Variants in TK2 observed in about 807,000 individuals in gnomAD.
TK2 encodes thymidine kinase 2.
In TK2, 35 loss-of-function variants were observed where a neutral mutation model predicts 41.9. The observed-to-expected ratio is 0.84, with a 90% CI of 0.64 to 1.11. The LOEUF (loss-of-function observed/expected upper bound fraction) is 1.11, where lower values mean the gene tolerates loss of function less well. Ranked by LOEUF, TK2 falls within the 50% of genes least tolerant of loss-of-function variation. The pLI is 0.00. For missense variants in TK2, 320 were observed against 351.1 expected (o/e 0.91, Z 0.71); for synonymous variants, 128 against 129.1 (o/e 0.99, Z 0.06).
chr16:66,528,186 G>A (rs377050538), intron 6 of TK2, among the ~76,000 whole-genome samples: 190 of 152,274 alleles, frequency 1.2e-3, no homozygotes, highest in African/African-American at 4.1e-3. Context: ...GTTGACATCC[G>A]AACAGCTCTG....
intron 4 of TK2, among the ~76,000 whole-genome samples, chr16:66,532,297 G>C (rs989446480): frequency 1.3e-5 from 2 of 152,060 alleles, no homozygotes; most frequent in African/African-American, 4.8e-5. Context: ...TCCCATTTGC[G>C]ATGCTACAAA....
Position 66,519,380 on chromosome 16 carries a change from T to G in TK2, c.450-1503A>C, listed in dbSNP as rs1193017157. The stretch of plus-strand genomic sequence containing the variant: ...TTTTAGTAGACACGGGGTTTCACTA[T>G]GTTGGCCAGGCTGGTCTCGAACTCC... On this transcript the variant is annotated intron_variant, in intron 6 of 9. Transcript: ENST00000544898. 2.0e-5 allele frequency among the ~76,000 whole-genome samples: 3 copies of G among 152,310 alleles called. No individual in the cohort carries two copies. The East Asian group carries it at 5.8e-4, about 29-fold the overall frequency.
At position 66,518,155 on chromosome 16, in the gene TK2, A is replaced by C. The variant is rs559716360; in HGVS notation, c.450-278T>G. 2.5e-4 allele frequency: 116 copies of C among 464,748 alleles called. 1 individual carries two copies. Among genetic ancestry groups the C allele is most frequent in the East Asian group, 8.8e-5 (2 of 22,830 alleles). The allele number at this position is 464,748 out of a possible 1,614,324, so 28.8% of individuals were successfully genotyped here. Reference sequence around the variant, plus strand: ...ATTGGAACTCTAAGCAGAGAAAGGGACTTTAAAGCTTGTACCCTGAGAACA... The same window carrying C: ...ATTGGAACTCTAAGCAGAGAAAGGGCCTTTAAAGCTTGTACCCTGAGAACA... On this transcript the variant is annotated intron_variant, in intron 6 of 9. Coordinates refer to ENST00000544898, the MANE Select transcript of TK2 (RefSeq NM_004614.5).
chr16:66,527,746 G>C (rs1406775836), intron 6 of TK2, among the ~76,000 whole-genome samples: 4 of 152,020 alleles, frequency 2.6e-5, no homozygotes, highest in African/African-American at 9.7e-5. Context: ...GAATAACAAG[G>C]GGACCAGGCA....
chr16:66,523,358 G>A lies in TK2; in HGVS notation c.450-5481C>T, dbSNP rs1452709929. On this transcript the variant is annotated intron_variant, in intron 6 of 9. Transcript: ENST00000544898. ...CACGAGCTCCCAGGCAGGAGCTGAC[G>A]CCCCACATGCCACCGTGTGGTTCCC... is the stretch of plus-strand genomic sequence containing the variant. Among the ~76,000 whole-genome samples the A allele has an allele frequency of 3.3e-5, 5 of 152,156 alleles. No homozygotes were observed. The East Asian group carries it at 5.8e-4, about 18-fold the overall frequency.
chr16:66,539,730 G>A (rs1350718080), intron 3 of TK2, among the ~76,000 whole-genome samples: 1 of 152,018 alleles, frequency 6.6e-6, no homozygotes, highest in Non-Finnish European at 1.5e-5. Flanking sequence ...GAGCTGCACA[G>A]TACACACTGA....
intron 5 of TK2, 100 bp from the exon 6 acceptor site, chr16:66,529,167 T>C: frequency 8.9e-7 from 1 of 1,126,882 alleles, no homozygotes; most frequent in Non-Finnish European, 1.3e-6. Context: ...GGGACTTTGC[T>C]GAATATGAGA....
At chr16:66,539,183 G>A (rs1293972219) in intron 3 of TK2, among the ~76,000 whole-genome samples, 1 of 152,124 alleles carries the variant, frequency 6.6e-6, no homozygotes, top group African/African-American at 2.4e-5. Flanking sequence ...CTCAGGACAG[G>A]GGTCAAGAGT....
intron 9 of TK2, 75 bp downstream of exon 9, chr16:66,513,656 G>T: frequency 7.2e-7 from 1 of 1,391,456 alleles, no homozygotes; most frequent in Non-Finnish European, 1.0e-6. Context: ...TCCCCTGTCT[G>T]CAAGGTGGCT....
intron 2 of TK2, among the ~76,000 whole-genome samples, chr16:66,542,838 C>T (rs2144465003): frequency 6.6e-6 from 1 of 152,330 alleles, no homozygotes; most frequent in East Asian, 1.9e-4. Context: ...AGACCAATTA[C>T]ACCACAATCT....
In TK2 at chr16:66,549,987, C is replaced by A; in HGVS notation, c.75G>T (p.Pro25=). ...CCCTCCGCGGCCCGGGGCCTGAGGC[C>A]GGGCTCCCGCGACTTCCCGGCCCAA... ...RCFGPGSRGS[P]ASGPGPRRVQ... is the part of the protein sequence containing the mutation. The change falls in exon 1 of 10, where the codon CCG becomes CCT. Residue 25 remains proline, a synonymous_variant. Transcript: ENST00000544898. 3 of 1,513,988 alleles carry A rather than the reference C, an allele frequency of 2.0e-6. No homozygotes were observed. Among genetic ancestry groups the A allele is most frequent in the Middle Eastern group, 2.3e-4 (1 of 4,406 alleles). 93.8% of individuals were successfully genotyped at this position (1,513,988 alleles called of 1,614,324 possible).
rs188967832 is a variant in TK2 at position 66,519,570 on chromosome 16, C to A, written c.450-1693G>T. Among the ~76,000 whole-genome samples, 4 of 152,300 alleles carry A rather than the reference C, an allele frequency of 2.6e-5. No homozygotes were observed. The East Asian group carries it at 7.7e-4, about 29-fold the overall frequency. On this transcript the variant is annotated intron_variant, in intron 6 of 9. Transcript: ENST00000544898. ...GAGCCAGGGTGAAGGAGAAATCTGG[C>A]ATCTATTCCTGGTATTCCTGTGGGT...
At chr16:66,534,381 T>C (rs996195434) in intron 4 of TK2, among the ~76,000 whole-genome samples, 1 of 152,258 alleles carries the variant, frequency 6.6e-6, no homozygotes, top group Admixed American at 6.5e-5. Context: ...GTCTGTTCTC[T>C]ATCCAGCCAC....
At chr16:66,513,949 T>G in intron 8 of TK2, 138 bp from the exon 9 acceptor site, 1 of 758,570 alleles carries the variant, frequency 1.3e-6, no homozygotes. Flanking sequence ...AGAGCAAACC[T>G]GGCTCAAGTG....
intron 5 of TK2, 117 bp from the exon 6 acceptor site, chr16:66,529,184 G>A: frequency 1.0e-6 from 1 of 972,448 alleles, no homozygotes; most frequent in East Asian, 2.4e-5. Flanking sequence ...GAGAATCAAG[G>A]CGGCAGAGAG....
At chr16:66,535,129 C>T (rs549794077) in intron 4 of TK2, among the ~76,000 whole-genome samples, 98 of 152,282 alleles carry the variant, frequency 6.4e-4, no homozygotes, top group African/African-American at 2.3e-3. Context: ...GCCTGATGGC[C>T]GCAGAAACAG....
chr16:66,521,930 A>G (rs1368002055), intron 6 of TK2, among the ~76,000 whole-genome samples: 2 of 152,212 alleles, frequency 1.3e-5, no homozygotes, highest in Non-Finnish European at 2.9e-5. Context: ...TCCTTCCCTG[A>G]GGCCAAGAGA....
At chr16:66,533,957 G>A (rs372999092) in intron 4 of TK2, among the ~76,000 whole-genome samples, 89 of 137,076 alleles carry the variant, frequency 6.5e-4, no homozygotes, top group African/African-American at 2.3e-3. Context: ...GCAGTGAGCC[G>A]AGATCGCGCC....
rs768410031 is a variant in TK2 at position 66,541,945 on chromosome 16, G to A, written c.165C>T (p.Val55=). The A allele has an allele frequency of 1.8e-5, 29 of 1,614,018 alleles. 1 individual carries two copies. Among genetic ancestry groups the A allele is most frequent in the South Asian group, 1.3e-4 (12 of 91,062 alleles). Residue 55 remains valine, a synonymous_variant, in exon 3 of 10, where the codon GTC becomes GTT. Transcript: ENST00000544898. ...QEKEKKSVIC[V]EGNIASGKTT... is the part of the protein sequence containing the mutation. ...TCTTCCCACTTGCAATATTGCCCTCGACACAGATCTGGCAAAAGACGAATG... is the reference window on the plus strand; with the variant it reads ...TCTTCCCACTTGCAATATTGCCCTCAACACAGATCTGGCAAAAGACGAATG...
Sources: gnomAD v4.1 joint callset for allele counts (sites outside exome capture counted in the v4.1 genomes callset) on GRCh38, gnomAD v4.1.1 for gene constraint, MANE v1.5 for transcripts, NCBI Gene and HGNC (gene_info 2026-07-23, HGNC 2026-07-21) for gene names.